Variants in ZNF609 observed in about 807,000 individuals in gnomAD.
ZNF609 encodes the protein zinc finger protein 609.
ZNF609 carries 11 observed loss-of-function variants against 109.5 expected under a neutral mutation model. That is an observed-to-expected ratio of 0.10 (90% CI 0.06 to 0.17). The LOEUF is 0.17. Ranked by LOEUF, ZNF609 falls within the 10% of genes least tolerant of loss-of-function variation. The pLI is 1.00. For synonymous variants in ZNF609, 646 were observed against 662.0 expected (o/e 0.98, Z 0.37); for missense variants, 1,559 against 1,772.4 (o/e 0.88, Z 2.16).
chr15:64,630,098 CTTTT>C (rs773124227), intron 3 of ZNF609, among the ~76,000 whole-genome samples: 3 of 136,894 alleles, frequency 2.2e-5, no homozygotes, highest in African/African-American at 2.7e-5. Flanking sequence ...TTTCTTTTTT[CTTTT>C]TTTTTTTTTT....
chr15:64,646,742 C>T (rs1158445108), intron 3 of ZNF609, among the ~76,000 whole-genome samples: 2 of 150,988 alleles, frequency 1.3e-5, no homozygotes, highest in East Asian at 1.9e-4. Flanking sequence ...AGTTCGAGAC[C>T]AGCCTGGCCA....
At chr15:64,555,903 A>G (rs919848587) in intron 2 of ZNF609, among the ~76,000 whole-genome samples, 41 of 151,214 alleles carry the variant, frequency 2.7e-4, no homozygotes, top group African/African-American at 9.2e-4. Flanking sequence ...AAAAAAAAAA[A>G]AAAAAAAAGA....
chr15:64,618,252 C>T (rs1895829500), intron 2 of ZNF609, among the ~76,000 whole-genome samples: 1 of 152,190 alleles, frequency 6.6e-6, no homozygotes, highest in Admixed American at 6.5e-5. Context: ...GGGAAAAGTT[C>T]CCTTGTCCCC....
intron 1 of ZNF609, among the ~76,000 whole-genome samples, chr15:64,477,250 C>T (rs1017609935): frequency 2.0e-5 from 3 of 149,684 alleles, no homozygotes; most frequent in African/African-American, 7.4e-5. Context: ...AGGCCATTCT[C>T]CTGCCTCAGC....
chr15:64,577,230 AATACATAC>A lies in ZNF609; in HGVS notation c.748-45593_748-45586del, dbSNP rs201054451. Among the ~76,000 whole-genome samples the A allele has an allele frequency of 1.4e-4, 2 of 14,674 alleles. 1 individual carries two copies. Among genetic ancestry groups the A allele is most frequent in the African/African-American group, 1.6e-4 (2 of 12,308 alleles). The allele number at this position is 14,674 out of a possible 152,430, so 9.6% of individuals were successfully genotyped here. A position where few individuals can be genotyped will look rare whatever the true frequency, so the allele number is the denominator to read the frequency against. ...ATATATATGTATATATATACACACA[AATACATAC>A]ATATATATGTATATATATACACACA... On this transcript the variant is annotated intron_variant, in intron 2 of 9. Coordinates refer to ENST00000326648, the MANE Select transcript of ZNF609 (RefSeq NM_015042.2).
At chr15:64,464,129 T>C (rs961552608) in intron 1 of ZNF609, among the ~76,000 whole-genome samples, 1 of 152,192 alleles carries the variant, frequency 6.6e-6, no homozygotes, top group Non-Finnish European at 1.5e-5. Context: ...TGTGAGGATA[T>C]GGAGGCATAA....
intron 2 of ZNF609, among the ~76,000 whole-genome samples, chr15:64,582,741 GAC>G (rs1439700799): frequency 1.6e-5 from 1 of 63,940 alleles, no homozygotes; most frequent in African/African-American, 5.7e-5. Flanking sequence ...TTTTTTTTGA[GAC>G]AGAGTCTTTT....
intron 3 of ZNF609, chr15:64,652,978 A>C (rs1429081391): frequency 6.5e-6 from 1 of 152,704 alleles, no homozygotes; most frequent in African/African-American, 2.4e-5. Context: ...TGCTTCACTT[A>C]ACTAACCTTA....
chr15:64,602,631 C>G (rs1895517917), intron 2 of ZNF609, among the ~76,000 whole-genome samples: 1 of 151,600 alleles, frequency 6.6e-6, no homozygotes, highest in South Asian at 2.1e-4. Flanking sequence ...TCTTTTTTCT[C>G]TCCAGTCTCT....
intron 2 of ZNF609, among the ~76,000 whole-genome samples, chr15:64,576,971 AATATATATATGTATGTATACACATAAAT>A (rs1894972556): frequency 7.6e-6 from 1 of 131,554 alleles, no homozygotes; most frequent in African/African-American, 3.0e-5. Context: ...TATACACATA[AATATATATATGTATGTATACACATAAAT>A]ATATATATGT....
At chr15:64,587,907 T>A (rs750919917) in intron 2 of ZNF609, among the ~76,000 whole-genome samples, 6 of 151,174 alleles carry the variant, frequency 4.0e-5, no homozygotes, top group Non-Finnish European at 8.8e-5. Context: ...AGGCCAGGAG[T>A]TTGAAATGAG....
At chr15:64,519,670 A>G (rs1361803589) in intron 2 of ZNF609, among the ~76,000 whole-genome samples, 2 of 152,130 alleles carry the variant, frequency 1.3e-5, no homozygotes, top group African/African-American at 4.8e-5. Context: ...ACCATTTGCC[A>G]TATTTTCCCT....
At chr15:64,586,810 G>A (rs1442717809) in intron 2 of ZNF609, among the ~76,000 whole-genome samples, 4 of 152,134 alleles carry the variant, frequency 2.6e-5, no homozygotes, top group Non-Finnish European at 5.9e-5. Context: ...TCAGTGAAAC[G>A]AAATACTTCT....
intron 1 of ZNF609, among the ~76,000 whole-genome samples, chr15:64,472,367 C>T (rs1367751988): frequency 6.6e-6 from 1 of 152,210 alleles, no homozygotes; most frequent in Non-Finnish European, 1.5e-5. Context: ...CATGCTGGTA[C>T]CACATTTCAT....
Position 64,685,547 on chromosome 15 carries a change from G to C in ZNF609, c.*3861G>C, listed in dbSNP as rs997648135. The C allele has an allele frequency of 2.0e-5, 3 of 152,798 alleles. No homozygotes were observed. Among genetic ancestry groups the C allele is most frequent in the Non-Finnish European group, 4.4e-5 (3 of 68,208 alleles). 9.5% of individuals were successfully genotyped at this position (152,798 alleles called of 1,614,324 possible). A position where few individuals can be genotyped will look rare whatever the true frequency, so the allele number is the denominator to read the frequency against. ...CTGGCCTCCCCTCTCTTCACCTTTA[G>C]ATTTCCATTCACCGAAGTGGCTTTG... On this transcript the variant is annotated 3_prime_UTR_variant, in exon 10 of 10. Coordinates refer to ENST00000326648, the MANE Select transcript of ZNF609 (RefSeq NM_015042.2).
chr15:64,599,686 G>T (rs754331528), intron 2 of ZNF609, among the ~76,000 whole-genome samples: 13 of 152,022 alleles, frequency 8.6e-5, no homozygotes, highest in East Asian at 1.9e-4. Context: ...TGGATATACA[G>T]ATACAATAAC....
chr15:64,593,532 CTTGTT>C (rs1486215046), intron 2 of ZNF609, among the ~76,000 whole-genome samples: 2 of 152,078 alleles, frequency 1.3e-5, no homozygotes, highest in African/African-American at 2.4e-5. Context: ...AGAATGTTCT[CTTGTT>C]TGTTTTTGAG....
At chr15:64,501,261 G>A (rs1412100286) in intron 2 of ZNF609, 1 of 152,214 alleles carries the variant, frequency 6.6e-6, no homozygotes, top group African/African-American at 2.4e-5. Flanking sequence ...ATAAAGGCTG[G>A]ATGTGTATGT....
chr15:64,503,479 C>T (rs1051446117), intron 2 of ZNF609, among the ~76,000 whole-genome samples: 1 of 152,074 alleles, frequency 6.6e-6, no homozygotes, highest in Non-Finnish European at 1.5e-5. Context: ...TCTGAGTGTC[C>T]TGAGCTTAGT....
Sources: allele counts gnomAD v4.1 joint callset (sites outside exome capture counted in the v4.1 genomes callset), GRCh38; gene constraint gnomAD v4.1.1; transcripts MANE v1.5; gene names NCBI Gene and HGNC (gene_info 2026-07-23, HGNC 2026-07-21).